Variants in CNTNAP2 observed in about 807,000 individuals in gnomAD.
CNTNAP2 encodes contactin associated protein 2.
In CNTNAP2, 98 loss-of-function variants were observed where a neutral mutation model predicts 155.2. The ratio of observed to expected loss-of-function variants is 0.63; its 90% CI spans 0.54 to 0.75. The LOEUF is 0.75. CNTNAP2 is among the 30% of genes least tolerant of loss of function. CNTNAP2 has a pLI of 0.00. For synonymous variants in CNTNAP2, 651 were observed against 631.2 expected (o/e 1.03, Z -0.47); for missense variants, 1,727 against 1,688.1 (o/e 1.02, Z -0.40).
chr7:147,974,089 A>C (rs1468411404), intron 14 of CNTNAP2, among the ~76,000 whole-genome samples: 1 of 152,192 alleles, frequency 6.6e-6, no homozygotes, highest in African/African-American at 2.4e-5. Context: ...TTAAGTTCAA[A>C]ACCTACTAAA....
intron 12 of CNTNAP2, among the ~76,000 whole-genome samples, chr7:147,635,693 T>C (rs914300881): frequency 6.6e-6 from 1 of 152,122 alleles, no homozygotes; most frequent in East Asian, 1.9e-4. Context: ...ATTTTTAAAG[T>C]TAATGAAGTT....
Position 147,300,219 on chromosome 7 carries a change from G to A in CNTNAP2, c.1427G>A (p.Gly476Glu). The A allele has an allele frequency of 6.2e-7, 1 of 1,613,990 alleles. No individual in the cohort carries two copies. The highest frequency in any genetic ancestry group is 1.1e-5 in the South Asian group (1 of 91,084). The change falls in exon 9 of 24, where the codon GGA (glycine) becomes GAA (glutamate). Residue 476 changes from glycine to glutamate, a missense_variant. Coordinates refer to ENST00000361727, the MANE Select transcript of CNTNAP2 (RefSeq NM_014141.6). ...AATTTTGCTATTCTCACCATCGATG[G>A]AGATGAAGCATCAGCAGTTCGAACT... ...KENFAILTID[G>E]DEASAVRTNS... is the part of the protein sequence containing the mutation.
At position 147,969,166 on chromosome 7, in the gene CNTNAP2, C is replaced by T. The variant is rs1056163719; in HGVS notation, c.2256-8696C>T. 2.0e-5 allele frequency among the ~76,000 whole-genome samples: 3 copies of T among 151,222 alleles called. No homozygotes were observed. In the South Asian group the frequency reaches 6.2e-4, roughly 31 times the overall value. On this transcript the variant is annotated intron_variant, in intron 14 of 23. Transcript: ENST00000361727. ...CTAGGCTCAAGCAATCCTCCCACCT[C>T]AGCCTCTTGAGTAGCTGGGACGACA...
At chr7:147,056,374 G>A (rs894528066) in intron 4 of CNTNAP2, among the ~76,000 whole-genome samples, 7 of 149,816 alleles carry the variant, frequency 4.7e-5, no homozygotes, top group African/African-American at 1.7e-4. Flanking sequence ...TTTATTAAGG[G>A]AAAAAAAAAC....
chr7:146,722,820 G>C (rs1157757429), intron 1 of CNTNAP2, among the ~76,000 whole-genome samples: 1 of 152,012 alleles, frequency 6.6e-6, no homozygotes, highest in Non-Finnish European at 1.5e-5. Context: ...TTCGAGACCA[G>C]CTTGTCCAAC....
At chr7:147,269,844 T>G (rs78954503) in intron 8 of CNTNAP2, among the ~76,000 whole-genome samples, 1 of 152,070 alleles carries the variant, frequency 6.6e-6, no homozygotes, top group Non-Finnish European at 1.5e-5. Flanking sequence ...CAGGAGGCCA[T>G]GAGTTCCAGA....
chr7:147,636,480 G>T (rs1470257188), intron 12 of CNTNAP2, among the ~76,000 whole-genome samples: 3 of 152,080 alleles, frequency 2.0e-5, no homozygotes, highest in African/African-American at 4.8e-5. Flanking sequence ...GAACGTGCAG[G>T]TTTGTTACAT....
intron 21 of CNTNAP2, among the ~76,000 whole-genome samples, chr7:148,328,774 C>A (rs1049124271): frequency 2.5e-4 from 7 of 27,614 alleles, no homozygotes; most frequent in African/African-American, 7.6e-4. Context: ...TTGAGACCAG[C>A]CTGACCAACA....
Position 146,543,822 on chromosome 7 carries a change from A to C in CNTNAP2, c.98-230449A>C, listed in dbSNP as rs114525531. Among the ~76,000 whole-genome samples, 1,112 of 152,006 alleles carry C rather than the reference A, an allele frequency of 7.3e-3. 19 individuals are homozygous for C. The highest frequency in any genetic ancestry group is 0.026 in the African/African-American group (1,073 of 41,494). ...TAGTTCAGGCCTGATGAACTACTTAACTAAACTTTCCAGACAAACTTCCAG... is the reference window on the plus strand; with the variant it reads ...TAGTTCAGGCCTGATGAACTACTTACCTAAACTTTCCAGACAAACTTCCAG... On this transcript the variant is annotated intron_variant, in intron 1 of 23. Transcript: ENST00000361727.
intron 13 of CNTNAP2, among the ~76,000 whole-genome samples, chr7:147,871,735 A>T (rs1799330907): frequency 6.6e-6 from 1 of 151,212 alleles, no homozygotes; most frequent in Non-Finnish European, 1.5e-5. Context: ...TACTCCTCCA[A>T]AGCACACATG....
chr7:147,793,265 A>G (rs1206428473), intron 13 of CNTNAP2, among the ~76,000 whole-genome samples: 1 of 151,990 alleles, frequency 6.6e-6, no homozygotes, highest in Non-Finnish European at 1.5e-5. Context: ...TTCTAATTCA[A>G]AGACATGAAG....
chr7:146,587,352 T>G (rs1430297309), intron 1 of CNTNAP2, among the ~76,000 whole-genome samples: 1 of 152,134 alleles, frequency 6.6e-6, no homozygotes. Context: ...CTCCGATATC[T>G]TTTATCAACT....
At chr7:146,899,513 T>A (rs1310228402) in intron 3 of CNTNAP2, among the ~76,000 whole-genome samples, 1 of 152,178 alleles carries the variant, frequency 6.6e-6, no homozygotes, top group South Asian at 2.1e-4. Flanking sequence ...GAACCTGTAT[T>A]TTGTGCCCTT....
intron 4 of CNTNAP2, among the ~76,000 whole-genome samples, chr7:147,060,010 C>G (rs185491000): frequency 7.2e-5 from 11 of 152,204 alleles, no homozygotes; most frequent in Admixed American, 5.9e-4. Flanking sequence ...TAAAACCTCA[C>G]GATACTGCTA....
At chr7:148,172,828 C>T (rs965108111) in intron 18 of CNTNAP2, among the ~76,000 whole-genome samples, 6 of 152,092 alleles carry the variant, frequency 3.9e-5, no homozygotes, top group Non-Finnish European at 7.3e-5. Flanking sequence ...GTTAGGATCT[C>T]CAATAGATCA....
chr7:147,276,770 C>G (rs979023513), intron 8 of CNTNAP2, among the ~76,000 whole-genome samples: 1 of 151,816 alleles, frequency 6.6e-6, no homozygotes, highest in South Asian at 2.1e-4. Context: ...TACTAGCACA[C>G]TTTCATATAT....
intron 12 of CNTNAP2, among the ~76,000 whole-genome samples, chr7:147,590,220 T>G (rs182947434): frequency 6.6e-6 from 1 of 152,290 alleles, no homozygotes; most frequent in Admixed American, 6.5e-5. Context: ...TTTTATTTAT[T>G]TAAAAAAATT....
intron 1 of CNTNAP2, among the ~76,000 whole-genome samples, chr7:146,341,795 C>CT (rs1034488677): frequency 6.6e-6 from 1 of 152,060 alleles, no homozygotes. Flanking sequence ...GTATTACATG[C>CT]TGTACAGTGC....
chr7:146,720,333 T>A (rs1801263745), intron 1 of CNTNAP2, among the ~76,000 whole-genome samples: 1 of 151,982 alleles, frequency 6.6e-6, no homozygotes, highest in South Asian at 2.1e-4. Context: ...AATACCTGAG[T>A]TTGCTAATGT....
Sources: allele counts gnomAD v4.1 joint callset (sites outside exome capture counted in the v4.1 genomes callset), GRCh38; gene constraint gnomAD v4.1.1; transcripts MANE v1.5; gene names NCBI Gene and HGNC (gene_info 2026-07-23, HGNC 2026-07-21).